PHACTR2: variants seen among roughly 807,000 people sequenced by gnomAD.
PHACTR2 encodes the protein phosphatase and actin regulator 2.
Under a neutral mutation model 76.0 loss-of-function variants are expected in PHACTR2, and 30 were observed. The observed-to-expected ratio is 0.39, with a 90% CI of 0.30 to 0.54. The LOEUF (loss-of-function observed/expected upper bound fraction) is 0.54. PHACTR2 is among the 20% of genes least tolerant of loss of function. PHACTR2 has a pLI of 0.61. For missense variants in PHACTR2, 696 were observed against 781.1 expected, an observed-to-expected ratio of 0.89 and a Z score of 1.30; for synonymous variants, 292 against 292.5, an observed-to-expected ratio of 1.00 and a Z score of 0.02.
In PHACTR2 at chr6:143,602,347, C is replaced by T. The variant is rs1420274490; in HGVS notation, c.217+65140C>T. On this transcript the variant is annotated intron_variant, in intron 1 of 11. Coordinates refer to the PHACTR2 transcript ENST00000367584. The surrounding 1 kb of genome is among the most constrained non-coding windows in gnomAD (Gnocchi z 6.1). ...TATGAAGACTTATCCTCTCCCTGCCCCTCAAGGCTTTATAAAGCCATGGCT... is the reference window on the plus strand; with the variant it reads ...TATGAAGACTTATCCTCTCCCTGCCTCTCAAGGCTTTATAAAGCCATGGCT... Among the ~76,000 whole-genome samples, 2 of 152,182 alleles carry T rather than the reference C, an allele frequency of 1.3e-5. No individual in the cohort carries two copies. Among genetic ancestry groups the T allele is most frequent in the Non-Finnish European group, 2.9e-5 (2 of 68,040 alleles).
chr6:143,691,996 A>G (rs1777654193), intron 1 of PHACTR2, among the ~76,000 whole-genome samples: 1 of 152,214 alleles, frequency 6.6e-6, no homozygotes, highest in East Asian at 1.9e-4. Flanking sequence ...TTGTGTGCCT[A>G]TTTGCAGCCC....
rs919255012 is a variant in PHACTR2, at chr6:143,611,210, C to T, written c.13+2888C>T. ...GTGTTGGGTTTTCCCTACTTGATAT[C>T]AAGATATTTCAGTTACCATGTGTGG... On this transcript the variant is annotated intron_variant, in intron 1 of 11. Coordinates refer to the PHACTR2 transcript ENST00000305766. This position sits in a 1 kb window ranked among gnomAD's most constrained non-coding sequence, Gnocchi z 4.4. 2.6e-5 allele frequency among the ~76,000 whole-genome samples: 4 copies of T among 151,958 alleles called. No individual in the cohort carries two copies. Among genetic ancestry groups the T allele is most frequent in the African/African-American group, 9.7e-5 (4 of 41,342 alleles).
At chr6:143,632,713 T>C (rs1274626325) in intron 1 of PHACTR2, among the ~76,000 whole-genome samples, 1 of 152,234 alleles carries the variant, frequency 6.6e-6, no homozygotes, top group African/African-American at 2.4e-5. Context: ...GCAGTAGTTA[T>C]ATACAGTAGT....
intron 2 of PHACTR2, among the ~76,000 whole-genome samples, chr6:143,734,820 C>T (rs76511643): frequency 0.017 from 2,569 of 152,226 alleles, 34 homozygotes; most frequent in Middle Eastern, 0.065. Context: ...TTCCTAATTT[C>T]ATTTTCCTTT....
chr6:143,606,191 T>C (rs142940822), upstream of PHACTR2, among the ~76,000 whole-genome samples: 555 of 152,348 alleles, frequency 3.6e-3, 4 homozygotes, highest in African/African-American at 0.013. Context: ...GTGGAATAAG[T>C]AAAGATTTTT....
rs181489922 is a variant in PHACTR2 at position 143,608,721 on chromosome 6, T to C, written c.13+399T>C. On this transcript the variant is annotated intron_variant, in intron 1 of 11. Coordinates refer to the PHACTR2 transcript ENST00000305766. The surrounding 1 kb of genome is among the most constrained non-coding windows in gnomAD (Gnocchi z 4.6). ...AAAATTCTGTGTAAATATTACAATA[T>C]GCACAGTGTAACAGCATAAGAGCTC... 6.6e-5 allele frequency among the ~76,000 whole-genome samples: 10 copies of C among 152,346 alleles called. No homozygotes were observed. In the East Asian group the frequency reaches 1.7e-3, roughly 26 times the overall value.
In PHACTR2 at chr6:143,760,512, G is replaced by T. The variant is rs770149948; in HGVS notation, c.566G>T (p.Gly189Val). The stretch of plus-strand genomic sequence containing the variant: ...AAAAAATCACCTGTGCCTCCGAAAG[G>T]GGCCACTGCTGGGGCCAGCCACAAA... ...KPKKSPVPPKGATAGASHKGD... is the reference protein window; with the variant it reads ...KPKKSPVPPKVATAGASHKGD... The change falls in exon 5 of 13, where the codon GGG becomes GTG. Residue 189 changes from glycine to valine, a missense_variant. Gly to Val is a moderately radical substitution (Grantham distance 109). Around this residue, in one of 2 missense-constraint regions of PHACTR2, gnomAD observed 460 missense variants for 450.9 expected, o/e 1.02. Coordinates refer to ENST00000440869, the MANE Select transcript of PHACTR2 (RefSeq NM_001100164.2). The surrounding 1 kb of genome is among the most constrained non-coding windows in gnomAD (Gnocchi z 6.4). 16 of 1,613,748 alleles carry T rather than the reference G, an allele frequency of 9.9e-6. No individual in the cohort carries two copies. The highest frequency in any genetic ancestry group is 1.6e-4 in the Middle Eastern group (1 of 6,082).
intron 1 of PHACTR2, among the ~76,000 whole-genome samples, chr6:143,702,126 GCTT>G (rs1326871181): frequency 1.6e-5 from 2 of 122,144 alleles, no homozygotes; most frequent in East Asian, 4.5e-4. Context: ...TGTCTTCTTT[GCTT>G]TTTTTTTTTT....
chr6:143,676,169 G>C (rs1201845436), upstream of PHACTR2, among the ~76,000 whole-genome samples: 1 of 152,122 alleles, frequency 6.6e-6, no homozygotes, highest in East Asian at 1.9e-4. The surrounding 1 kb of genome is among the most constrained non-coding windows in gnomAD (Gnocchi z 4.8). Context: ...GCATAACCTG[G>C]TTAGGGTATT....
rs1412506028 is a variant in PHACTR2 at position 143,602,445 on chromosome 6, GC to G, written c.217+65240del. ...AGCCAGGACTCTCCATTCAAGCAGAGCCTGGCTCTGATTGCTCCTTTCTCAT... is the reference window on the plus strand; with the variant it reads ...AGCCAGGACTCTCCATTCAAGCAGAGCTGGCTCTGATTGCTCCTTTCTCAT... On this transcript the variant is annotated intron_variant, in intron 1 of 11. Transcript: ENST00000367584. This position sits in a 1 kb window ranked among gnomAD's most constrained non-coding sequence, Gnocchi z 6.1. Among the ~76,000 whole-genome samples the G allele has an allele frequency of 3.9e-5, 6 of 152,324 alleles. No individual in the cohort carries two copies. The East Asian group carries it at 1.2e-3, about 29-fold the overall frequency.
Position 143,712,021 on chromosome 6 carries a change from G to A in PHACTR2, c.52G>A (p.Gly18Arg), listed in dbSNP as rs758727073. ...CTATATCTTTCTTTATACAGTTGAC[G>A]GACTGGACAAAGCTTCTATAGCAAA... is the stretch of plus-strand genomic sequence containing the variant. ...TLSPQPGSVD[G>R]LDKASIANSD... is the part of the protein sequence containing the mutation. Residue 18 changes from glycine (G) to arginine (R), a missense_variant, in exon 2 of 13, where the codon GGA becomes AGA. Transcript: ENST00000440869. The A allele has an allele frequency of 2.5e-5, 40 of 1,593,854 alleles. No individual in the cohort carries two copies. Among genetic ancestry groups the A allele is most frequent in the African/African-American group, 9.5e-5 (7 of 73,666 alleles).
chr6:143,766,192 CA>C (rs1779560012), intron 6 of PHACTR2, among the ~76,000 whole-genome samples: 2 of 152,320 alleles, frequency 1.3e-5, no homozygotes, highest in African/African-American at 4.8e-5. Context: ...TAAAGAAGAT[CA>C]GAAGAGAACT....
rs1189527838 is a variant in PHACTR2, at chr6:143,547,998, T to A, written c.217+10791T>A. On this transcript the variant is annotated intron_variant, in intron 1 of 11. Transcript: ENST00000367584. This position sits in a 1 kb window ranked among gnomAD's most constrained non-coding sequence, Gnocchi z 4.2. ...CATCATGTGTATCATCTATCTATCT[T>A]ATTTTGGCCTACTATAACAAACTGT... Among the ~76,000 whole-genome samples the A allele has an allele frequency of 2.6e-5, 4 of 152,212 alleles. No individual in the cohort carries two copies. The highest frequency in any genetic ancestry group is 9.7e-5 in the African/African-American group (4 of 41,448).
intron 1 of PHACTR2, among the ~76,000 whole-genome samples, chr6:143,666,558 A>G (rs1777041399): frequency 1.3e-5 from 2 of 152,188 alleles, no homozygotes; most frequent in South Asian, 4.1e-4. Context: ...TGACTTTTTA[A>G]TGATCGCCAT....
At chr6:143,746,321 C>T (rs187347507) in intron 2 of PHACTR2, among the ~76,000 whole-genome samples, 2 of 152,248 alleles carry the variant, frequency 1.3e-5, no homozygotes, top group East Asian at 3.9e-4. Flanking sequence ...CTCCTGGCAG[C>T]CATTTTGTGT....
chr6:143,789,535 A>C lies in PHACTR2; in HGVS notation c.1845+625A>C, dbSNP rs1379089563. 6.6e-6 allele frequency among the ~76,000 whole-genome samples: 1 copy of C among 152,236 alleles called. No homozygotes were observed. Among genetic ancestry groups the C allele is most frequent in the Admixed American group, 6.5e-5 (1 of 15,288 alleles). On this transcript the variant is annotated intron_variant, in intron 11 of 12. Transcript: ENST00000440869. The surrounding 1 kb of genome is among the most constrained non-coding windows in gnomAD (Gnocchi z 5.1). The stretch of plus-strand genomic sequence containing the variant: ...AATGAAATATACAGTGGGTTCTATC[A>C]ATGTAGAAAGACTTTTACCTTATTA...
Position 143,608,268 on chromosome 6 carries a change from C to T in PHACTR2, c.-42C>T, listed in dbSNP as rs114942460. The T allele has an allele frequency of 1.7e-3, 2,812 of 1,612,868 alleles. 43 individuals are homozygous for T. The African/African-American group carries it at 0.033, about 19-fold the overall frequency. On this transcript the variant is annotated 5_prime_UTR_variant, in exon 1 of 12. Transcript: ENST00000305766. This position sits in a 1 kb window ranked among gnomAD's most constrained non-coding sequence, Gnocchi z 4.6. ...CGTTAGTCAGAAGAGCCAGGGCTTC[C>T]CGGCTGCCAGGCTACAGAACTCGCC...
intron 1 of PHACTR2, among the ~76,000 whole-genome samples, chr6:143,644,467 C>CAAAAA (rs373621895): frequency 3.6e-5 from 4 of 111,508 alleles, no homozygotes; most frequent in Admixed American, 1.0e-4. Context: ...GACTCCATCT[C>CAAAAA]AAAAAAAAAA....
intron 3 of PHACTR2, among the ~76,000 whole-genome samples, chr6:143,749,781 T>G (rs1395657836): frequency 6.6e-6 from 1 of 152,186 alleles, no homozygotes; most frequent in East Asian, 1.9e-4. Flanking sequence ...ACGCTAACAT[T>G]GGTTATTTCT....
Sources: allele counts gnomAD v4.1 joint callset (sites outside exome capture counted in the v4.1 genomes callset), GRCh38; gene constraint gnomAD v4.1.1; regional missense constraint gnomAD v4.1.1; non-coding constraint Gnocchi (gnomAD v3.1); transcripts MANE v1.5; gene names NCBI Gene and HGNC (gene_info 2026-07-23, HGNC 2026-07-21).